The following QKI variants were observed in gnomAD, a reference collection of about 807,000 sequenced individuals.
QKI encodes the protein KH domain-containing RNA-binding protein QKI.
A neutral mutation model predicts 39.0 loss-of-function variants in QKI; 10 were observed. That is an observed-to-expected ratio of 0.26 (90% CI 0.16 to 0.43). QKI has a LOEUF of 0.43. Among genes scored for constraint, QKI ranks in the 20% least tolerant of loss-of-function variants. The probability of loss-of-function intolerance (pLI) is 1.00; values close to 1 mark genes in which losing one functional copy is unlikely to be tolerated. For missense variants in QKI, 218 were observed against 428.0 expected, an observed-to-expected ratio of 0.51 and a Z score of 4.33; for synonymous variants, 204 against 155.4, an observed-to-expected ratio of 1.31 and a Z score of -2.33.
At chr6:163,525,058 T>G (rs1780403890) in intron 3 of QKI, among the ~76,000 whole-genome samples, 1 of 152,190 alleles carries the variant, frequency 6.6e-6, no homozygotes, top group Admixed American at 6.5e-5. Flanking sequence ...TATCAGAAAA[T>G]GAATATTAAA....
chr6:163,544,035 C>A (rs1781711305), intron 4 of QKI, among the ~76,000 whole-genome samples: 1 of 151,872 alleles, frequency 6.6e-6, no homozygotes, highest in African/African-American at 2.4e-5. Flanking sequence ...ACATTTAAAG[C>A]CCTTTTGGAA....
chr6:163,466,059 G>A (rs1419834229), intron 2 of QKI, among the ~76,000 whole-genome samples: 2 of 151,356 alleles, frequency 1.3e-5, no homozygotes, highest in Non-Finnish European at 2.9e-5. Context: ...TGGGAGAGAC[G>A]GAGGCTGCAG....
At chr6:163,536,701 TA>T (rs5881538) in intron 4 of QKI, among the ~76,000 whole-genome samples, 64,479 of 151,786 alleles carry the variant, frequency 0.42, 16,687 homozygotes, top group East Asian at 0.71. Context: ...AATTGAAAAA[TA>T]AATGATTGAA....
intron 4 of QKI, among the ~76,000 whole-genome samples, chr6:163,555,630 C>CAG (rs56164201): frequency 1 from 151,537 of 152,260 alleles, 75,415 homozygotes; most frequent in East Asian, 1. Context: ...CAGGTCTACT[C>CAG]GGGGATTGTG....
Position 163,573,168 on chromosome 6 carries a change from G to A in QKI, c.*2458G>A, listed in dbSNP as rs1013938940. The A allele has an allele frequency of 6.6e-6, 1 of 152,100 alleles. No homozygotes were observed. The highest frequency in any genetic ancestry group is 1.5e-5 in the Non-Finnish European group (1 of 67,994). 9.4% of individuals were successfully genotyped at this position (152,100 alleles called of 1,614,324 possible). On this transcript the variant is annotated 3_prime_UTR_variant, in exon 8 of 8. Coordinates refer to ENST00000361752, the MANE Select transcript of QKI (RefSeq NM_006775.3). ...GCTCTGAACAAACTTTTGAAAACTT[G>A]GTTGACAAAATTTTGGATCAACTGA...
chr6:163,469,909 A>G (rs1162671131), intron 2 of QKI, among the ~76,000 whole-genome samples: 2 of 152,166 alleles, frequency 1.3e-5, no homozygotes, highest in African/African-American at 2.4e-5. Context: ...CCTTATGTCA[A>G]TTCTAGACCT....
chr6:163,458,829 A>G (rs954311554), intron 2 of QKI, among the ~76,000 whole-genome samples: 2 of 152,204 alleles, frequency 1.3e-5, no homozygotes, highest in Non-Finnish European at 2.9e-5. Flanking sequence ...TTGCATCTCT[A>G]CTGTGTACCA....
At chr6:163,559,983 A>G (rs867911169) in intron 4 of QKI, among the ~76,000 whole-genome samples, 1 of 152,190 alleles carries the variant, frequency 6.6e-6, no homozygotes. Flanking sequence ...AGTTAGTTCT[A>G]TCTCTACACA....
chr6:163,534,738 C>T (rs1283119154), intron 3 of QKI, among the ~76,000 whole-genome samples: 1 of 152,192 alleles, frequency 6.6e-6, no homozygotes, highest in African/African-American at 2.4e-5. Context: ...TCTTTAGCAT[C>T]TGGTTCTGTG....
chr6:163,434,070 C>CA (rs950484132), intron 1 of QKI, among the ~76,000 whole-genome samples: 7 of 152,020 alleles, frequency 4.6e-5, no homozygotes, highest in African/African-American at 1.7e-4. Flanking sequence ...TAGTTTTCAA[C>CA]AAACTTTTTT....
intron 4 of QKI, among the ~76,000 whole-genome samples, chr6:163,549,450 C>A (rs565787469): frequency 3.4e-4 from 52 of 152,284 alleles, no homozygotes; most frequent in African/African-American, 1.2e-3. Context: ...GTGGCTCATG[C>A]CTGTAATCCT....
At chr6:163,454,604 A>C (rs1038087822) in intron 1 of QKI, among the ~76,000 whole-genome samples, 1 of 152,046 alleles carries the variant, frequency 6.6e-6, no homozygotes, top group Admixed American at 6.6e-5. Context: ...TCTCTTCTCT[A>C]GTTCTCCTGC....
chr6:163,440,041 A>G (rs1582990570), intron 1 of QKI, among the ~76,000 whole-genome samples: 1 of 152,178 alleles, frequency 6.6e-6, no homozygotes, highest in Admixed American at 6.5e-5. Context: ...TTCCACTTTT[A>G]ATTTGAATAT....
At chr6:163,429,236 T>A (rs773242720) in intron 1 of QKI, among the ~76,000 whole-genome samples, 11 of 152,296 alleles carry the variant, frequency 7.2e-5, no homozygotes, top group African/African-American at 1.7e-4. Context: ...TATAAAGAAC[T>A]TATTTATCAG....
Position 163,576,347 on chromosome 6 carries a change from A to G in QKI, c.*5637A>G, listed in dbSNP as rs9356119. 104,985 of 151,654 alleles carry G rather than the reference A, an allele frequency of 0.69. 37,362 individuals carry two copies. Among genetic ancestry groups the G allele is most frequent in the East Asian group, 1 (5,141 of 5,160 alleles). The allele number at this position is 151,654 out of a possible 1,614,324, so 9.4% of individuals were successfully genotyped here. A position where few individuals can be genotyped will look rare whatever the true frequency, so the allele number is the denominator to read the frequency against. ...AGGCGAATGAATTAATTCATAGTAG[A>G]AGGAGGCGATAGGTGCAGCAAAGGG... On this transcript the variant is annotated 3_prime_UTR_variant, in exon 8 of 8. Coordinates refer to ENST00000361752, the MANE Select transcript of QKI (RefSeq NM_006775.3).
At chr6:163,566,668 T>TC (rs35340672) in intron 6 of QKI, 53 bp from the exon 7 acceptor site, 9 of 1,599,866 alleles carry the variant, frequency 5.6e-6, no homozygotes, top group South Asian at 2.3e-5. Context: ...TAATGTTTTT[T>TC]CCCCCCTTGT....
chr6:163,445,431 G>A (rs183394359), intron 1 of QKI, among the ~76,000 whole-genome samples: 13 of 151,634 alleles, frequency 8.6e-5, no homozygotes, highest in African/African-American at 3.2e-4. Flanking sequence ...CCAATCTGTG[G>A]CCATTTCACA....
At chr6:163,518,514 G>A (rs1238488095) in intron 3 of QKI, among the ~76,000 whole-genome samples, 1 of 152,120 alleles carries the variant, frequency 6.6e-6, no homozygotes, top group Non-Finnish European at 1.5e-5. Flanking sequence ...TTCTAAAGTA[G>A]TCATTCAGGC....
intron 1 of QKI, among the ~76,000 whole-genome samples, chr6:163,447,238 AGGTGCACGT>A (rs1014789429): frequency 7.0e-6 from 1 of 142,808 alleles, no homozygotes; most frequent in Non-Finnish European, 1.5e-5. Context: ...CATATTTATG[AGGTGCACGT>A]GATTTTTTTT....
Sources: gnomAD v4.1 joint callset for allele counts (sites outside exome capture counted in the v4.1 genomes callset) on GRCh38, gnomAD v4.1.1 for gene constraint, MANE v1.5 for transcripts, NCBI Gene and HGNC (gene_info 2026-07-23, HGNC 2026-07-21) for gene names.